Variants in POLR2E observed in about 807,000 individuals in gnomAD.
POLR2E encodes the protein DNA-directed RNA polymerases I, II, and III subunit RPABC1.
Under a neutral mutation model 29.8 loss-of-function variants are expected in POLR2E, and 35 were observed. The ratio of observed to expected loss-of-function variants is 1.17; its 90% CI spans 0.90 to 1.55. The LOEUF is 1.55. Ranked by LOEUF, POLR2E falls within the 40% of genes most tolerant of loss-of-function variation. The pLI is 0.00. For synonymous variants in POLR2E, 174 were observed against 112.6 expected, an observed-to-expected ratio of 1.55 and a Z score of -3.45; for missense variants, 287 against 288.6, an observed-to-expected ratio of 0.99 and a Z score of 0.04.
chr19:1,093,423 G>A (rs989558654), intron 2 of POLR2E, among the ~76,000 whole-genome samples: 7 of 152,196 alleles, frequency 4.6e-5, no homozygotes, highest in Admixed American at 3.3e-4. Flanking sequence ...AAAGAGGCCC[G>A]AGCACAAGCT....
At chr19:1,090,666 C>G (rs1338672043) in intron 4 of POLR2E, among the ~76,000 whole-genome samples, 1 of 151,930 alleles carries the variant, frequency 6.6e-6, no homozygotes, top group Non-Finnish European at 1.5e-5. Context: ...GATCCGCCCG[C>G]CTCGGCCTCC....
At chr19:1,093,256 G>A (rs1003586915) in intron 2 of POLR2E, among the ~76,000 whole-genome samples, 4 of 152,300 alleles carry the variant, frequency 2.6e-5, no homozygotes, top group African/African-American at 4.8e-5. Flanking sequence ...GACGTGCTCC[G>A]TCACCCCACT....
chr19:1,092,192 C>T (rs941380666), intron 2 of POLR2E: 1 of 382,600 alleles, frequency 2.6e-6, no homozygotes, highest in African/African-American at 2.1e-5. Flanking sequence ...GAGAGGCTCC[C>T]ACCCTGGGCA....
chr19:1,091,950 C>T (rs369730185), intron 2 of POLR2E, 43 bp from the exon 3 acceptor site: 57 of 1,408,950 alleles, frequency 4.0e-5, no homozygotes, highest in South Asian at 2.1e-4. Context: ...CCTGGGCCCT[C>T]GTGGCCCTCG....
intron 4 of POLR2E, 39 bp from the exon 5 acceptor site, chr19:1,090,184 G>A: frequency 6.3e-7 from 1 of 1,590,380 alleles, no homozygotes; most frequent in Non-Finnish European, 8.6e-7. Context: ...ACCAAGGGCT[G>A]GTGAGACCCC....
In POLR2E at chr19:1,089,480, C is replaced by CTA; in HGVS notation, c.*5_*6insTA. On this transcript the variant is annotated 3_prime_UTR_variant, in exon 7 of 8. Coordinates refer to ENST00000615234, the MANE Select transcript of POLR2E (RefSeq NM_002695.5). ...TCCCTCGGCCGTCTCACCTGTCAGG[C>CTA]GGTAGCTACTGCACCAGCCGGTAGG... 6.2e-7 allele frequency: 1 copy of CTA among 1,611,148 alleles called. No individual in the cohort carries two copies. The highest frequency in any genetic ancestry group is 8.5e-7 in the Non-Finnish European group (1 of 1,177,778).
In POLR2E at chr19:1,090,097, G is replaced by A; in HGVS notation, c.478C>T (p.Leu160=). Residue 160 remains leucine, a synonymous_variant, in exon 5 of 8, where the codon CTG becomes TTG. Transcript: ENST00000615234. ...VMTKEEVTEL[L]ARYKLRENQL... ...GGCTGGAAAGGATACTATCGGGCCA[G>A]CAGCTCTGTCACCTCCTCCTTGGTC... is the stretch of plus-strand genomic sequence containing the variant. The A allele has an allele frequency of 1.2e-6, 2 of 1,612,542 alleles. No homozygotes were observed. Among genetic ancestry groups the A allele is most frequent in the South Asian group, 2.2e-5 (2 of 91,078 alleles).
chr19:1,091,487 C>G (rs983341151), intron 3 of POLR2E: 1 of 445,496 alleles, frequency 2.2e-6, no homozygotes, highest in Admixed American at 3.5e-5. Flanking sequence ...GATAAAGAAC[C>G]TCCGGCTCCT....
At chr19:1,093,786 A>G in intron 2 of POLR2E, 118 bp downstream of exon 2, 1 of 1,424,136 alleles carries the variant, frequency 7.0e-7, no homozygotes. Context: ...TTTTCCTCCC[A>G]GACTGGGCAG....
At position 1,089,694 on chromosome 19, in the gene POLR2E, G is replaced by C. The variant is rs1278965619; in HGVS notation, c.568-143C>G. 7.4e-6 allele frequency: 6 copies of C among 815,732 alleles called. No individual in the cohort carries two copies. The South Asian group carries it at 9.3e-5, about 13-fold the overall frequency. The allele number at this position is 815,732 out of a possible 1,614,324, so 50.5% of individuals were successfully genotyped here. On this transcript the variant is annotated intron_variant, in intron 6 of 7. Coordinates refer to ENST00000615234, the MANE Select transcript of POLR2E (RefSeq NM_002695.5). ...CTGGGCTGTGGGACCCGCTCCCTGG[G>C]AACCTGGGTCACGCTCTTCTCTGGG...
At position 1,087,640 on chromosome 19, in the gene POLR2E, G is replaced by A. The variant is rs902919577; in HGVS notation, c.*1095C>T. The A allele has an allele frequency of 6.6e-6, 1 of 152,006 alleles. No individual in the cohort carries two copies. Among genetic ancestry groups the A allele is most frequent in the African/African-American group, 2.4e-5 (1 of 41,348 alleles). The allele number at this position is 152,006 out of a possible 1,614,324, so 9.4% of individuals were successfully genotyped here. A position where few individuals can be genotyped will look rare whatever the true frequency, so the allele number is the denominator to read the frequency against. On this transcript the variant is annotated 3_prime_UTR_variant, in exon 8 of 8. Transcript: ENST00000615234. ...GAGTGACATCAGTGTTTGTCCCTTT[G>A]GGTCTGGCTTGCTTTGGCCAAGACA... is the stretch of plus-strand genomic sequence containing the variant.
chr19:1,093,839 G>C, intron 2 of POLR2E, 65 bp downstream of exon 2: 1 of 1,487,208 alleles, frequency 6.7e-7, no homozygotes, highest in African/African-American at 1.4e-5. Flanking sequence ...GTGGGTGCTA[G>C]CGACCGGCTC....
chr19:1,090,069 T>TG lies in POLR2E; in HGVS notation c.488+17dup. On this transcript the variant is annotated intron_variant, in intron 5 of 7. Coordinates refer to ENST00000615234, the MANE Select transcript of POLR2E (RefSeq NM_002695.5). ...GAGGGACAGGGAGGGGCGGGGCCGG[T>TG]GGGGCTGGAAAGGATACTATCGGGC... 1 of 1,595,960 alleles carries TG rather than the reference T, an allele frequency of 6.3e-7. No individual in the cohort carries two copies. Among genetic ancestry groups the TG allele is most frequent in the Non-Finnish European group, 8.5e-7 (1 of 1,170,840 alleles).
At chr19:1,095,066 C>T in intron 1 of POLR2E, 193 bp downstream of exon 1, 1 of 590,626 alleles carries the variant, frequency 1.7e-6, no homozygotes, top group Non-Finnish European at 2.9e-6. Context: ...TCGAAACCCC[C>T]TCCCTTCCCC....
At chr19:1,094,164 C>CT in intron 1 of POLR2E, 86 bp from the exon 2 acceptor site, 1 of 1,288,450 alleles carries the variant, frequency 7.8e-7, no homozygotes, top group Non-Finnish European at 1.1e-6. Flanking sequence ...CCTGCGGCTG[C>CT]TGCAGAGGAC....
chr19:1,093,254 C>T (rs906605460), intron 2 of POLR2E, among the ~76,000 whole-genome samples: 2 of 152,224 alleles, frequency 1.3e-5, no homozygotes, highest in African/African-American at 4.8e-5. Flanking sequence ...CAGACGTGCT[C>T]CGTCACCCCA....
intron 1 of POLR2E, chr19:1,094,535 C>T (rs1033527645): frequency 3.6e-5 from 4 of 109,600 alleles, no homozygotes; most frequent in African/African-American, 1.8e-4. Context: ...GAATGAAACC[C>T]TATCTCTTAA....
At chr19:1,091,084 C>A in intron 3 of POLR2E, 96 bp from the exon 4 acceptor site, 1 of 1,017,136 alleles carries the variant, frequency 9.8e-7, no homozygotes, top group East Asian at 2.5e-5. Context: ...CTCGTGTGCC[C>A]CAACAACACA....
At position 1,087,532 on chromosome 19, in the gene POLR2E, G is replaced by A. The variant is rs1002682934; in HGVS notation, c.*1203C>T. On this transcript the variant is annotated 3_prime_UTR_variant, in exon 8 of 8. Coordinates refer to ENST00000615234, the MANE Select transcript of POLR2E (RefSeq NM_002695.5). ...GTCCCCTCCCTCCTCCCCAGCCCTG[G>A]GAACCCCCATCCCCACCCAACTCCC... 3 of 151,928 alleles carry A rather than the reference G, an allele frequency of 2.0e-5. No individual in the cohort carries two copies. Among genetic ancestry groups the A allele is most frequent in the Non-Finnish European group, 2.9e-5 (2 of 68,034 alleles). 9.4% of individuals were successfully genotyped at this position (151,928 alleles called of 1,614,324 possible). A position where few individuals can be genotyped will look rare whatever the true frequency, so the allele number is the denominator to read the frequency against.
Sources: allele counts gnomAD v4.1 joint callset (sites outside exome capture counted in the v4.1 genomes callset), GRCh38; gene constraint gnomAD v4.1.1; transcripts MANE v1.5; gene names NCBI Gene and HGNC (gene_info 2026-07-23, HGNC 2026-07-21).